Variants in ZNF84 observed in about 807,000 individuals in gnomAD.
ZNF84 encodes the protein zinc finger protein 84, also known as zinc finger protein HPF2.
A neutral mutation model predicts 14.8 loss-of-function variants in ZNF84; 12 were observed. That is an observed-to-expected ratio of 0.81 (90% CI 0.52 to 1.31). ZNF84 has a LOEUF of 1.31. Among genes scored for constraint, ZNF84 ranks in the 50% most tolerant of loss-of-function variants. ZNF84 has a pLI of 0.00. For missense variants in ZNF84, 859 were observed against 878.6 expected (o/e 0.98, Z 0.28); for synonymous variants, 347 against 291.1 (o/e 1.19, Z -1.96).
rs1244050831 is a variant in ZNF84, at chr12:133,061,907, A to AT, written c.*2981dup. 3.3e-5 allele frequency: 5 copies of AT among 152,166 alleles called. No homozygotes were observed. The highest frequency in any genetic ancestry group is 1.5e-5 in the Non-Finnish European group (1 of 68,032). 9.4% of individuals were successfully genotyped at this position (152,166 alleles called of 1,614,324 possible). On this transcript the variant is annotated 3_prime_UTR_variant, in exon 5 of 5. Coordinates refer to ENST00000539354, the MANE Select transcript of ZNF84 (RefSeq NM_001289971.2). ...GAGAGCTCTGATTCTGCAATTAGAG[A>AT]TTTTTTAATGTGTTTTTGAAATTAC... is the stretch of plus-strand genomic sequence containing the variant.
chr12:133,056,666 T>G (rs939539634), intron 4 of ZNF84, among the ~76,000 whole-genome samples: 268 of 152,310 alleles, frequency 1.8e-3, no homozygotes, highest in African/African-American at 6.0e-3. Context: ...GGTCAAAGCT[T>G]CTTCTAACCT....
rs1478145465 is a variant in ZNF84, at chr12:133,062,036, A to G, written c.*3104A>G. 6.6e-6 allele frequency: 1 copy of G among 152,196 alleles called. No homozygotes were observed. Among genetic ancestry groups the G allele is most frequent in the Non-Finnish European group, 1.5e-5 (1 of 68,044 alleles). 9.4% of individuals were successfully genotyped at this position (152,196 alleles called of 1,614,324 possible). A position where few individuals can be genotyped will look rare whatever the true frequency, so the allele number is the denominator to read the frequency against. ...TAAAGTTAGACTGGATTTATTTGTG[A>G]TTTTATGGAGCACAATAAGGTACAT... is the stretch of plus-strand genomic sequence containing the variant. On this transcript the variant is annotated 3_prime_UTR_variant, in exon 5 of 5. Transcript: ENST00000539354.
In ZNF84 at chr12:133,059,953, T is replaced by C. The variant is rs1052328612; in HGVS notation, c.*1021T>C. Reference sequence around the variant, plus strand: ...CATCCTCAGAGTCTGAGTAACAGTTTATATAAAATAAATATGCAAAGGCAG... The same window carrying C: ...CATCCTCAGAGTCTGAGTAACAGTTCATATAAAATAAATATGCAAAGGCAG... On this transcript the variant is annotated 3_prime_UTR_variant, in exon 5 of 5. Transcript: ENST00000539354. 1 of 152,190 alleles carries C rather than the reference T, an allele frequency of 6.6e-6. No individual in the cohort carries two copies. The highest frequency in any genetic ancestry group is 2.1e-4 in the South Asian group (1 of 4,832). The allele number at this position is 152,190 out of a possible 1,614,324, so 9.4% of individuals were successfully genotyped here.
intron 1 of ZNF84, chr12:133,040,445 A>C (rs1026697800): frequency 1.3e-5 from 2 of 151,952 alleles, no homozygotes; most frequent in Admixed American, 1.3e-4. Context: ...GAGGCACACA[A>C]ACCTGTAGTT....
Position 133,058,649 on chromosome 12 carries a change from A to G in ZNF84, c.1934A>G (p.His645Arg). The change falls in exon 5 of 5, where the codon CAT becomes CGT. Residue 645 changes from histidine to arginine, a missense_variant. Coordinates refer to ENST00000539354, the MANE Select transcript of ZNF84 (RefSeq NM_001289971.2). ...AFREKSSLIN[H>R]QRIHTGEKPF... ...AGGGAGAAGTCAAGTCTCATCAATC[A>G]TCAGAGAATACATACAGGAGAGAAG... is the stretch of plus-strand genomic sequence containing the variant. 1.2e-6 allele frequency: 2 copies of G among 1,614,200 alleles called. No homozygotes were observed. The highest frequency in any genetic ancestry group is 1.7e-6 in the Non-Finnish European group (2 of 1,180,022).
rs1954242737 is a variant in ZNF84 at position 133,060,514 on chromosome 12, T to G, written c.*1582T>G. On this transcript the variant is annotated 3_prime_UTR_variant, in exon 5 of 5. Coordinates refer to ENST00000539354, the MANE Select transcript of ZNF84 (RefSeq NM_001289971.2). Reference sequence around the variant, plus strand: ...ACATCATAGCTTAGCGTAGCCTACCTTAAACATTCTCAGAACACATTCTAA... The same window carrying G: ...ACATCATAGCTTAGCGTAGCCTACCGTAAACATTCTCAGAACACATTCTAA... The G allele has an allele frequency of 6.6e-6, 1 of 152,200 alleles. No individual in the cohort carries two copies. Among genetic ancestry groups the G allele is most frequent in the Non-Finnish European group, 1.5e-5 (1 of 68,022 alleles). The allele number at this position is 152,200 out of a possible 1,614,324, so 9.4% of individuals were successfully genotyped here. A position where few individuals can be genotyped will look rare whatever the true frequency, so the allele number is the denominator to read the frequency against.
chr12:133,047,861 T>C, intron 2 of ZNF84, 94 bp from the exon 3 acceptor site: 2 of 1,428,550 alleles, frequency 1.4e-6, no homozygotes, highest in Non-Finnish European at 1.9e-6. Flanking sequence ...TTTGTATAAC[T>C]TGTTATGAGA....
intron 4 of ZNF84, among the ~76,000 whole-genome samples, chr12:133,054,179 C>T (rs1294745060): frequency 6.6e-6 from 1 of 152,040 alleles, no homozygotes; most frequent in Non-Finnish European, 1.5e-5. Context: ...CCCAGGAGTT[C>T]AAGAGCAGCC....
chr12:133,053,939 CATATAATCCTACAA>C (rs1489378222), intron 4 of ZNF84, among the ~76,000 whole-genome samples: 6 of 152,086 alleles, frequency 3.9e-5, no homozygotes, highest in African/African-American at 1.4e-4. Context: ...CTACCTCCAC[CATATAATCCTACAA>C]ATATATAACC....
rs1160745087 is a variant in ZNF84 at position 133,040,708 on chromosome 12, G to A, written c.-190-570G>A. ...TTTAAAACCCCTATTTAACCTTGAC[G>A]CATCAAACAACATAGCCATAAGCAT... On this transcript the variant is annotated intron_variant, in intron 1 of 4. Transcript: ENST00000539354. 6 of 152,040 alleles carry A rather than the reference G, an allele frequency of 3.9e-5. No individual in the cohort carries two copies. In the South Asian group the frequency reaches 6.2e-4, roughly 16 times the overall value. The allele number at this position is 152,040 out of a possible 1,614,324, so 9.4% of individuals were successfully genotyped here. A position where few individuals can be genotyped will look rare whatever the true frequency, so the allele number is the denominator to read the frequency against.
Position 133,041,295 on chromosome 12 carries a change from C to T in ZNF84, c.-173C>T, listed in dbSNP as rs1275537911. 1.6e-6 allele frequency: 1 copy of T among 641,622 alleles called. No individual in the cohort carries two copies. The highest frequency in any genetic ancestry group is 1.8e-5 in the African/African-American group (1 of 54,402). 39.7% of individuals were successfully genotyped at this position (641,622 alleles called of 1,614,324 possible). A position where few individuals can be genotyped will look rare whatever the true frequency, so the allele number is the denominator to read the frequency against. ...TCCCGAAGTCCACAGATCCTGGTCCCTACAAATAAGCCTGCTCATGTGAGA... is the reference window on the plus strand; with the variant it reads ...TCCCGAAGTCCACAGATCCTGGTCCTTACAAATAAGCCTGCTCATGTGAGA... On this transcript the variant is annotated 5_prime_UTR_variant, in exon 2 of 5. Transcript: ENST00000539354.
chr12:133,038,404 A>G (rs895943761), intron 1 of ZNF84, among the ~76,000 whole-genome samples: 2 of 152,030 alleles, frequency 1.3e-5, no homozygotes, highest in Non-Finnish European at 2.9e-5. Flanking sequence ...TGTATTTCCA[A>G]AAGCATCCAG....
rs1033745169 is a variant in ZNF84 at position 133,063,071 on chromosome 12, G to T, written c.*4139G>T. On this transcript the variant is annotated 3_prime_UTR_variant, in exon 5 of 5. Transcript: ENST00000539354. The stretch of plus-strand genomic sequence containing the variant: ...TGCATCACAAGCTATATTTAAATGT[G>T]GGTGCAGTGAGTGGCTGTTTTCTGC... The T allele has an allele frequency of 7.1e-6, 5 of 701,544 alleles. No individual in the cohort carries two copies. The highest frequency in any genetic ancestry group is 1.0e-5 in the Non-Finnish European group (4 of 384,284). 43.5% of individuals were successfully genotyped at this position (701,544 alleles called of 1,614,324 possible).
At position 133,058,857 on chromosome 12, in the gene ZNF84, T is replaced by C; in HGVS notation, c.2142T>C (p.Ile714=). ...CAGGAGAGAAGCCTTATCGATGCATTGAATGTGGGAAAGCTTTCTCACAGA... is the reference window on the plus strand; with the variant it reads ...CAGGAGAGAAGCCTTATCGATGCATCGAATGTGGGAAAGCTTTCTCACAGA... The part of the protein sequence containing the change: ...IHTGEKPYRC[I]ECGKAFSQKS... Residue 714 remains isoleucine, a synonymous_variant, in exon 5 of 5, where the codon ATT becomes ATC. Transcript: ENST00000539354. The C allele has an allele frequency of 6.2e-7, 1 of 1,613,776 alleles. No homozygotes were observed. The highest frequency in any genetic ancestry group is 8.5e-7 in the Non-Finnish European group (1 of 1,179,866).
Position 133,059,066 on chromosome 12 carries a change from T to A in ZNF84, c.*134T>A. The A allele has an allele frequency of 1.1e-6, 1 of 885,084 alleles. No individual in the cohort carries two copies. Among genetic ancestry groups the A allele is most frequent in the Non-Finnish European group, 1.7e-6 (1 of 586,060 alleles). 54.8% of individuals were successfully genotyped at this position (885,084 alleles called of 1,614,324 possible). The stretch of plus-strand genomic sequence containing the variant: ...GATGAGAACTCTAAATGAGGTGGTG[T>A]ATGGAAAGCCGATCATAATTCATAG... On this transcript the variant is annotated 3_prime_UTR_variant, in exon 5 of 5. Transcript: ENST00000539354.
intron 2 of ZNF84, among the ~76,000 whole-genome samples, chr12:133,047,399 A>T (rs1954000863): frequency 6.6e-6 from 1 of 152,192 alleles, no homozygotes; most frequent in African/African-American, 2.4e-5. Flanking sequence ...AAATACTTTT[A>T]TTGGGACATC....
At position 133,057,406 on chromosome 12, in the gene ZNF84, A is replaced by G; in HGVS notation, c.691A>G (p.Arg231Gly). The change falls in exon 5 of 5, where the codon AGA (arginine) becomes GGA (glycine). Residue 231 changes from arginine (R) to glycine (G), a missense_variant. Physicochemically the swap from Arg to Gly is moderately radical, Grantham distance 125. Coordinates refer to ENST00000539354, the MANE Select transcript of ZNF84 (RefSeq NM_001289971.2). Reference protein sequence around the residue: ...SLIKHQSRHIRDIAFGCGNCG... With the variant: ...SLIKHQSRHIGDIAFGCGNCG... ...CATTAAACATCAGAGCAGACATATA[A>G]GAGACATAGCCTTTGGCTGTGGTAA... 1 of 1,614,190 alleles carries G rather than the reference A, an allele frequency of 6.2e-7. No homozygotes were observed. The highest frequency in any genetic ancestry group is 8.5e-7 in the Non-Finnish European group (1 of 1,180,040).
At chr12:133,046,932 T>C (rs1258544196) in intron 2 of ZNF84, among the ~76,000 whole-genome samples, 1 of 142,996 alleles carries the variant, frequency 7.0e-6, no homozygotes, top group Admixed American at 7.6e-5. Context: ...TTATTTTTAA[T>C]ATAATATTTA....
In ZNF84 at chr12:133,061,490, A is replaced by G. The variant is rs1954263535; in HGVS notation, c.*2558A>G. On this transcript the variant is annotated 3_prime_UTR_variant, in exon 5 of 5. Transcript: ENST00000539354. ...AAAAAGAAAAGAAAAAGAACTTCCT[A>G]CTTTTTAATATCTCAAATTCATTTT... 1.3e-5 allele frequency: 2 copies of G among 152,148 alleles called. No homozygotes were observed. Among genetic ancestry groups the G allele is most frequent in the Non-Finnish European group, 1.5e-5 (1 of 68,008 alleles). 9.4% of individuals were successfully genotyped at this position (152,148 alleles called of 1,614,324 possible). A position where few individuals can be genotyped will look rare whatever the true frequency, so the allele number is the denominator to read the frequency against.
Sources: gnomAD v4.1 joint callset for allele counts (sites outside exome capture counted in the v4.1 genomes callset) on GRCh38, gnomAD v4.1.1 for gene constraint, MANE v1.5 for transcripts, NCBI Gene and HGNC (gene_info 2026-07-23, HGNC 2026-07-21) for gene names.